Variants in TENM3 observed in about 807,000 individuals in gnomAD.
The protein encoded by TENM3 is teneurin-3.
Under a neutral mutation model 255.1 loss-of-function variants are expected in TENM3, and 63 were observed. The observed-to-expected ratio is 0.25, with a 90% CI of 0.20 to 0.30. TENM3 has a LOEUF of 0.30. Among genes scored for constraint, TENM3 ranks in the 10% least tolerant of loss-of-function variants. The pLI is 1.00. For synonymous variants in TENM3, 1,306 were observed against 1,322.3 expected, an observed-to-expected ratio of 0.99 and a Z score of 0.27; for missense variants, 2,929 against 3,461.1, an observed-to-expected ratio of 0.85 and a Z score of 3.86.
chr4:182,269,083 A>G (rs1002780302), intron 1 of TENM3, among the ~76,000 whole-genome samples: 32 of 152,318 alleles, frequency 2.1e-4, no homozygotes, highest in African/African-American at 7.7e-4. Flanking sequence ...AAAAAAAAAT[A>G]GTATTCAAAT....
the TENM3 span, among the ~76,000 whole-genome samples, chr4:181,969,817 G>A: frequency 2.6e-5 from 4 of 152,300 alleles, no homozygotes; most frequent in South Asian, 2.1e-4. Context: ...ACCCAGGTGC[G>A]TAAACATTTT....
chr4:181,592,224 C>G, the TENM3 span, among the ~76,000 whole-genome samples: 1 of 105,860 alleles, frequency 9.4e-6, no homozygotes, highest in South Asian at 2.9e-4. Context: ...TCTTATGTGT[C>G]CATTATACCT....
chr4:182,645,807 C>T (rs1459031231), intron 5 of TENM3, among the ~76,000 whole-genome samples: 3 of 152,186 alleles, frequency 2.0e-5, no homozygotes, highest in South Asian at 2.1e-4. Context: ...TGAAGTCTTT[C>T]GTAACCTAAG....
chr4:182,533,995 T>C (rs931876484), intron 3 of TENM3, among the ~76,000 whole-genome samples: 1 of 152,204 alleles, frequency 6.6e-6, no homozygotes, highest in African/African-American at 2.4e-5. Context: ...TCACTGAATG[T>C]GTAACATTAA....
At chr4:182,232,601 G>T (rs1196206344) in intron 1 of TENM3, among the ~76,000 whole-genome samples, 1 of 152,090 alleles carries the variant, frequency 6.6e-6, no homozygotes, top group Admixed American at 6.5e-5. Flanking sequence ...GGAGGCTGAG[G>T]CAGGAGAATC....
the TENM3 span, among the ~76,000 whole-genome samples, chr4:181,725,539 C>G: frequency 1.3e-5 from 2 of 151,508 alleles, no homozygotes; most frequent in African/African-American, 4.8e-5. Flanking sequence ...CCTGGGTTCA[C>G]ACCATTCTCC....
the TENM3 span, among the ~76,000 whole-genome samples, chr4:181,458,468 A>G: frequency 6.6e-6 from 1 of 151,962 alleles, no homozygotes; most frequent in African/African-American, 2.4e-5. Context: ...GTCCTCTTGG[A>G]TGGTCATAAA....
At chr4:182,136,098 T>C in the TENM3 span, among the ~76,000 whole-genome samples, 6 of 152,136 alleles carry the variant, frequency 3.9e-5, no homozygotes, top group African/African-American at 1.4e-4. Context: ...CTACATAGAC[T>C]CTTAGTCTCA....
chr4:182,699,434 G>A (rs1346713450), intron 12 of TENM3, among the ~76,000 whole-genome samples: 1 of 152,152 alleles, frequency 6.6e-6, no homozygotes, highest in Non-Finnish European at 1.5e-5. Context: ...TTAATGGTTT[G>A]CTAACTAGTT....
chr4:182,679,873 A>T lies in TENM3; in HGVS notation c.1534A>T (p.Ile512Leu). ...AEQVSFNTIV[I>L]ESVVECPRNC... ...GCAGGTGTCTTTTAATACCATTGTT[A>T]TAGGTAAGAATAGTCTTCAAAGCAG... The change falls in exon 8 of 28, where the codon ATA (isoleucine) becomes TTA (leucine). Residue 512 changes from isoleucine (I) to leucine (L), a missense_variant. This residue lies in a region of TENM3 where 1,608 missense variants were observed against 1,884.4 expected (regional missense o/e 0.85). Transcript: ENST00000511685. 1 of 1,602,774 alleles carries T rather than the reference A, an allele frequency of 6.2e-7. No homozygotes were observed.
the TENM3 span, among the ~76,000 whole-genome samples, chr4:181,783,684 G>T: frequency 3.3e-5 from 5 of 152,020 alleles, no homozygotes; most frequent in African/African-American, 1.2e-4. Flanking sequence ...CTGTTTTGTT[G>T]TTGTTTGGTT....
intron 3 of TENM3, among the ~76,000 whole-genome samples, chr4:182,521,626 A>G (rs976264980): frequency 1.8e-4 from 27 of 152,128 alleles, no homozygotes; most frequent in Admixed American, 1.6e-3. Context: ...CATGAGAGTC[A>G]CTTCTTTGTA....
the TENM3 span, among the ~76,000 whole-genome samples, chr4:181,859,252 A>C: frequency 6.6e-6 from 1 of 150,828 alleles, no homozygotes; most frequent in Non-Finnish European, 1.5e-5. Context: ...CAAAAAAAAA[A>C]AAAAAAAAAA....
intron 1 of TENM3, among the ~76,000 whole-genome samples, chr4:182,249,595 A>G (rs1447207831): frequency 7.9e-5 from 12 of 152,154 alleles, no homozygotes; most frequent in Admixed American, 7.9e-4. Context: ...AAAGCAAATC[A>G]TACAACGAAT....
chr4:182,699,328 A>G (rs1561127369), intron 12 of TENM3, among the ~76,000 whole-genome samples: 1 of 152,174 alleles, frequency 6.6e-6, no homozygotes, highest in Non-Finnish European at 1.5e-5. Context: ...GTTTTTTGAT[A>G]AGTTAGATGT....
chr4:181,969,782 C>T, the TENM3 span, among the ~76,000 whole-genome samples: 7 of 152,204 alleles, frequency 4.6e-5, no homozygotes, highest in African/African-American at 1.4e-4. Context: ...AGTAGAAGGT[C>T]TATTTCTCAT....
chr4:182,125,129 C>T, the TENM3 span, among the ~76,000 whole-genome samples: 1 of 111,836 alleles, frequency 8.9e-6, no homozygotes, highest in Admixed American at 8.3e-5. Flanking sequence ...GCTACTCGCC[C>T]CTGCTGGGAT....
At chr4:182,519,002 G>A (rs939336596) in intron 3 of TENM3, among the ~76,000 whole-genome samples, 1 of 152,086 alleles carries the variant, frequency 6.6e-6, no homozygotes, top group African/African-American at 2.4e-5. Flanking sequence ...CTAAGACTCA[G>A]TAAAATGTTG....
chr4:182,154,211 A>G (rs528567015), intron 1 of TENM3, among the ~76,000 whole-genome samples: 1 of 152,114 alleles, frequency 6.6e-6, no homozygotes, highest in African/African-American at 2.4e-5. Flanking sequence ...ACTATTAAGA[A>G]TAATTGGTAT....
Sources: gnomAD v4.1 joint callset for allele counts (sites outside exome capture counted in the v4.1 genomes callset) on GRCh38, gnomAD v4.1.1 for gene constraint, gnomAD v4.1.1 regional missense constraint, MANE v1.5 for transcripts, NCBI Gene and HGNC (gene_info 2026-07-23, HGNC 2026-07-21) for gene names.